KIF24: variants seen among roughly 807,000 people sequenced by gnomAD.
The protein encoded by KIF24 is kinesin-like protein KIF24.
A neutral mutation model predicts 118.9 loss-of-function variants in KIF24; 81 were observed. The observed-to-expected ratio is 0.68, with a 90% CI of 0.57 to 0.82. KIF24 has a LOEUF of 0.82. Among genes scored for constraint, KIF24 ranks in the 40% least tolerant of loss-of-function variants. KIF24 has a pLI of 0.00. For synonymous variants in KIF24, 599 were observed against 610.0 expected (o/e 0.98, Z 0.27); for missense variants, 1,560 against 1,661.6 (o/e 0.94, Z 1.06).
At chr9:34,299,939 T>C (rs1161634799) in intron 3 of KIF24, among the ~76,000 whole-genome samples, 1 of 151,966 alleles carries the variant, frequency 6.6e-6, no homozygotes, top group Non-Finnish European at 1.5e-5. Flanking sequence ...ACACCATGAA[T>C]GACAGATAAG....
At chr9:34,299,483 T>G (rs771102052) in intron 3 of KIF24, among the ~76,000 whole-genome samples, 1 of 151,792 alleles carries the variant, frequency 6.6e-6, no homozygotes, top group Non-Finnish European at 1.5e-5. Context: ...CTGGCTGATA[T>G]ATATTCTAAT....
chr9:34,297,618 C>G (rs1014873959), intron 3 of KIF24, among the ~76,000 whole-genome samples: 1 of 151,950 alleles, frequency 6.6e-6, no homozygotes, highest in African/African-American at 2.4e-5. Context: ...AAAATTTAGC[C>G]GGGCATGGTG....
chr9:34,299,160 A>G (rs767156298), intron 3 of KIF24, among the ~76,000 whole-genome samples: 5 of 152,018 alleles, frequency 3.3e-5, no homozygotes, highest in Non-Finnish European at 7.4e-5. Flanking sequence ...CTATACGTAT[A>G]TAATAGTAAT....
At chr9:34,302,428 C>A (rs959649624) in intron 3 of KIF24, among the ~76,000 whole-genome samples, 1 of 151,200 alleles carries the variant, frequency 6.6e-6, no homozygotes, top group African/African-American at 2.4e-5. Context: ...CTCAGCCTCC[C>A]GAGTAGCTGA....
intron 9 of KIF24, among the ~76,000 whole-genome samples, chr9:34,261,994 C>T (rs540346441): frequency 1.3e-5 from 2 of 152,220 alleles, no homozygotes; most frequent in East Asian, 1.9e-4. Flanking sequence ...AGTGCAGTGG[C>T]GTGCTCACAA....
At chr9:34,283,227 G>A (rs568249155) in intron 6 of KIF24, among the ~76,000 whole-genome samples, 4 of 151,748 alleles carry the variant, frequency 2.6e-5, no homozygotes, top group South Asian at 2.1e-4. Flanking sequence ...AAAATTAGCC[G>A]GGTGTAGTGG....
At chr9:34,296,583 C>T (rs1836490438) in intron 4 of KIF24, among the ~76,000 whole-genome samples, 2 of 151,890 alleles carry the variant, frequency 1.3e-5, no homozygotes, top group South Asian at 4.2e-4. Flanking sequence ...GTGATATTCA[C>T]TTATCTATCT....
rs767003798 is a variant in KIF24, at chr9:34,254,409, C to T, written c.4078G>A (p.Ala1360Thr). ...GACGGCACTGTTCCCTCAGGGGCTGCGGTGGGCCCGTGGCAGGTGAGATAG... is the reference window on the plus strand; with the variant it reads ...GACGGCACTGTTCCCTCAGGGGCTGTGGTGGGCCCGTGGCAGGTGAGATAG... ...QLYLTCHGPT[A>T]APEGTVPS is the part of the protein sequence containing the mutation. The change falls in exon 13 of 13, where the codon GCA becomes ACA. Residue 1360 changes from alanine to threonine, a missense_variant. Coordinates refer to ENST00000402558, the MANE Select transcript of KIF24 (RefSeq NM_194313.4). 10 of 1,613,472 alleles carry T rather than the reference C, an allele frequency of 6.2e-6. No homozygotes were observed. Among genetic ancestry groups the T allele is most frequent in the East Asian group, 2.2e-5 (1 of 44,894 alleles).
At chr9:34,291,141 A>G (rs1200465529) in intron 4 of KIF24, among the ~76,000 whole-genome samples, 1 of 152,242 alleles carries the variant, frequency 6.6e-6, no homozygotes, top group African/African-American at 2.4e-5. Context: ...GCAAGATGGT[A>G]GTGACCACTC....
chr9:34,271,761 C>CA, intron 7 of KIF24, 48 bp downstream of exon 7: 1 of 1,602,054 alleles, frequency 6.2e-7, no homozygotes, highest in Admixed American at 1.7e-5. Flanking sequence ...TTCAAAGTCA[C>CA]ATTAAAGGAA....
intron 3 of KIF24, among the ~76,000 whole-genome samples, chr9:34,298,035 CTCTGATTATGAAAAAGACTA>C: frequency 2.0e-5 from 3 of 152,084 alleles, no homozygotes; most frequent in African/African-American, 7.2e-5. Flanking sequence ...AACATATTCT[CTCTGATTATGAAAAAGACTA>C]TACTGAGAAT....
chr9:34,264,892 T>C (rs1563937994), intron 8 of KIF24, among the ~76,000 whole-genome samples: 1 of 152,062 alleles, frequency 6.6e-6, no homozygotes, highest in Non-Finnish European at 1.5e-5. Context: ...AGGCAGCATA[T>C]ACAACTGGAA....
intron 6 of KIF24, among the ~76,000 whole-genome samples, chr9:34,279,859 T>C (rs1428086103): frequency 6.6e-6 from 1 of 152,216 alleles, no homozygotes; most frequent in Non-Finnish European, 1.5e-5. Flanking sequence ...ATATAAGCTT[T>C]CCACCTTGAT....
rs371842669 is a variant in KIF24, at chr9:34,290,162, C to A, written c.1127+12G>T. Reference sequence around the variant, plus strand: ...ATGAACAGATTTATCGCTTCCCACTCATATTCAGTACCTTTTTCTTCTATT... The same window carrying A: ...ATGAACAGATTTATCGCTTCCCACTAATATTCAGTACCTTTTTCTTCTATT... On this transcript the variant is annotated intron_variant, in intron 5 of 12. Coordinates refer to ENST00000402558, the MANE Select transcript of KIF24 (RefSeq NM_194313.4). 1 of 1,579,902 alleles carries A rather than the reference C, an allele frequency of 6.3e-7. No homozygotes were observed. Among genetic ancestry groups the A allele is most frequent in the African/African-American group, 1.3e-5 (1 of 74,246 alleles).
chr9:34,317,744 T>A (rs972133999), intron 1 of KIF24, among the ~76,000 whole-genome samples: 1 of 152,202 alleles, frequency 6.6e-6, no homozygotes, highest in African/African-American at 2.4e-5. Context: ...CTTGTGTTCA[T>A]GTAACCTTAT....
intron 6 of KIF24, among the ~76,000 whole-genome samples, chr9:34,276,550 T>C (rs1421333554): frequency 6.6e-6 from 1 of 151,974 alleles, no homozygotes; most frequent in African/African-American, 2.4e-5. Context: ...CAATAAGACA[T>C]AAAATATCTT....
chr9:34,280,643 G>A (rs1284463501), intron 6 of KIF24, among the ~76,000 whole-genome samples: 1 of 152,076 alleles, frequency 6.6e-6, no homozygotes, highest in African/African-American at 2.4e-5. Flanking sequence ...ACACACTTTT[G>A]TTCTGTACCT....
rs1012035737 is a variant in KIF24, at chr9:34,252,778, T to G, written c.*1602A>C. 1 of 152,088 alleles carries G rather than the reference T, an allele frequency of 6.6e-6. No homozygotes were observed. Among genetic ancestry groups the G allele is most frequent in the Non-Finnish European group, 1.5e-5 (1 of 68,040 alleles). The allele number at this position is 152,088 out of a possible 1,614,324, so 9.4% of individuals were successfully genotyped here. ...GACGTAGGCCTTCCTGACTGTGGAGTTGGGATAGGCTGGGCCTTCAGGGGG... is the reference window on the plus strand; with the variant it reads ...GACGTAGGCCTTCCTGACTGTGGAGGTGGGATAGGCTGGGCCTTCAGGGGG... On this transcript the variant is annotated 3_prime_UTR_variant, in exon 13 of 13. Transcript: ENST00000402558.
chr9:34,293,836 A>C (rs113216850), intron 4 of KIF24, among the ~76,000 whole-genome samples: 2 of 152,220 alleles, frequency 1.3e-5, no homozygotes, highest in African/African-American at 4.8e-5. Flanking sequence ...TTAAACCTAC[A>C]ATGAGATTAT....
Sources: allele counts gnomAD v4.1 joint callset (sites outside exome capture counted in the v4.1 genomes callset), GRCh38; gene constraint gnomAD v4.1.1; transcripts MANE v1.5; gene names NCBI Gene and HGNC (gene_info 2026-07-23, HGNC 2026-07-21).